Variants in OR2T27 observed in about 807,000 individuals in gnomAD.
OR2T27 encodes olfactory receptor family 2 subfamily T member 27.
For synonymous variants in OR2T27, 51 were observed against 152.9 expected, an observed-to-expected ratio of 0.33 and a Z score of 4.92; for missense variants, 152 against 397.2, an observed-to-expected ratio of 0.38 and a Z score of 5.25.
chr1:248,649,881 T>A lies in OR2T27; in HGVS notation c.*50A>T. ...GAATATTTAAATTCAAGGGCAATGA[T>A]AAAGTCTTGTATCCTTCATTTCAAG... On this transcript the variant is annotated 3_prime_UTR_variant, in exon 2 of 2. Coordinates refer to ENST00000460972, the MANE Select transcript of OR2T27 (RefSeq NM_001001824.2). 2 of 1,278,742 alleles carry A rather than the reference T, an allele frequency of 1.6e-6. No homozygotes were observed. Among genetic ancestry groups the A allele is most frequent in the Non-Finnish European group, 1.1e-6 (1 of 888,722 alleles). The allele number at this position is 1,278,742 out of a possible 1,614,324, so 79.2% of individuals were successfully genotyped here. A position where few individuals can be genotyped will look rare whatever the true frequency, so the allele number is the denominator to read the frequency against.
intron 1 of OR2T27, among the ~76,000 whole-genome samples, chr1:248,652,012 G>A (rs138847947): frequency 6.1e-4 from 92 of 151,674 alleles, no homozygotes; most frequent in African/African-American, 2.1e-3. Flanking sequence ...CATTTTTAAT[G>A]TGGTTACTAG....
chr1:248,652,303 T>TC (rs1661037597), intron 1 of OR2T27, among the ~76,000 whole-genome samples: 2 of 150,072 alleles, frequency 1.3e-5, no homozygotes, highest in Admixed American at 6.6e-5. Flanking sequence ...ACTAGACCAT[T>TC]CTACAGTTGA....
rs79635563 is a variant in OR2T27 at position 248,650,233 on chromosome 1, A to G, written c.652T>C (p.Tyr218His). The change falls in exon 2 of 2, where the codon TAC (tyrosine) becomes CAC (histidine). Residue 218 changes from tyrosine to histidine, a missense_variant. By Grantham distance (83) the Tyr-to-His change is moderately conservative. Coordinates refer to ENST00000460972, the MANE Select transcript of OR2T27 (RefSeq NM_001001824.2). ...TAAACAGTAATGAGAATTCTTGTGT[A>G]AGAGCCCGAGATGACAGAGAAAGGG... ...LIPFSVISGS[Y>H]TRILITVYRM... is the part of the protein sequence containing the mutation. 4,774 of 1,192,862 alleles carry G rather than the reference A, an allele frequency of 4.0e-3. 289 individuals carry two copies. In the African/African-American group the frequency reaches 0.06, roughly 15 times the overall value. The allele number at this position is 1,192,862 out of a possible 1,614,324, so 73.9% of individuals were successfully genotyped here.
rs139155666 is a variant in OR2T27, at chr1:248,649,929, C to G, written c.*2G>C. 3.9e-3 allele frequency: 5,934 copies of G among 1,518,856 alleles called. 221 individuals carry two copies. Among genetic ancestry groups the G allele is most frequent in the Middle Eastern group, 7.4e-3 (43 of 5,802 alleles). The allele number at this position is 1,518,856 out of a possible 1,614,324, so 94.1% of individuals were successfully genotyped here. ...AAGTCTCTAGCAGCATATGAAATTT[C>G]TTTAGAAAGTGGTTACCTTTCCTGA... On this transcript the variant is annotated 3_prime_UTR_variant, in exon 2 of 2. Coordinates refer to ENST00000460972, the MANE Select transcript of OR2T27 (RefSeq NM_001001824.2).
intron 1 of OR2T27, among the ~76,000 whole-genome samples, 157 bp downstream of exon 1, chr1:248,655,287 T>C (rs1466439747): frequency 7.7e-6 from 1 of 130,560 alleles, no homozygotes; most frequent in Non-Finnish European, 1.7e-5. Flanking sequence ...CTAAGATTTA[T>C]ATATTAGTAC....
intron 1 of OR2T27, among the ~76,000 whole-genome samples, chr1:248,653,367 T>TAA (rs1661059940): frequency 7.5e-6 from 1 of 133,236 alleles, no homozygotes; most frequent in Non-Finnish European, 1.7e-5. Flanking sequence ...AACTGGATTA[T>TAA]GCCATGCCCC....
intron 1 of OR2T27, among the ~76,000 whole-genome samples, chr1:248,651,950 TTTTAGA>T (rs964460314): frequency 7.0e-5 from 1 of 14,370 alleles, no homozygotes; most frequent in Non-Finnish European, 1.0e-3. Flanking sequence ...TTATGGTAAC[TTTTAGA>T]TATATTTGGA....
rs191449140 is a variant in OR2T27, at chr1:248,649,953, G to A, written c.932C>T (p.Ser311Leu). 218 of 1,576,336 alleles carry A rather than the reference G, an allele frequency of 1.4e-4. 20 individuals carry two copies. In the Admixed American group the frequency reaches 3.5e-3, roughly 25 times the overall value. Residue 311 changes from serine to leucine, a missense_variant, in exon 2 of 2, where the codon TCA (serine) becomes TTA (leucine). Physicochemically the swap from Ser to Leu is moderately radical, Grantham distance 145. Transcript: ENST00000460972. ...TCTTTAGAAAGTGGTTACCTTTCCT[G>A]AGGACACACACCTCCCCACAACCTT... Reference protein sequence around the residue: ...LQKVVGRCVSSGKVTTF With the variant: ...LQKVVGRCVSLGKVTTF
chr1:248,653,407 A>G (rs1481138369), intron 1 of OR2T27, among the ~76,000 whole-genome samples: 1 of 142,332 alleles, frequency 7.0e-6, no homozygotes, highest in East Asian at 2.2e-4. Context: ...ATAATTCCAA[A>G]CCTTAGTAAA....
intron 1 of OR2T27, among the ~76,000 whole-genome samples, chr1:248,651,909 T>C (rs1443496820): frequency 2.3e-5 from 2 of 86,426 alleles, no homozygotes; most frequent in African/African-American, 6.0e-5. Flanking sequence ...CTGTTAAAAA[T>C]ATATGCAACA....
At position 248,650,732 on chromosome 1, in the gene OR2T27, T is replaced by C. The variant is rs138075309; in HGVS notation, c.153A>G (p.Ile51Met). 4.0e-5 allele frequency: 59 copies of C among 1,481,860 alleles called. No individual in the cohort carries two copies. The African/African-American group carries it at 7.0e-4, about 18-fold the overall frequency. 91.8% of individuals were successfully genotyped at this position (1,481,860 alleles called of 1,614,324 possible). A position where few individuals can be genotyped will look rare whatever the true frequency, so the allele number is the denominator to read the frequency against. Residue 51 changes from isoleucine to methionine, a missense_variant, in exon 2 of 2, where the codon ATA (isoleucine) becomes ATG (methionine). Transcript: ENST00000460972. Reference sequence around the variant, plus strand: ...ACATGGGGGTGTGGAGGCGGGAGTCTATGTGGATGAGAATGATCTTGACCA... The same window carrying C: ...ACATGGGGGTGTGGAGGCGGGAGTCCATGTGGATGAGAATGATCTTGACCA... ...SNVVKIILIHIDSRLHTPMYF... is the reference protein window; with the variant it reads ...SNVVKIILIHMDSRLHTPMYF...
At chr1:248,652,891 A>G (rs1302953280) in intron 1 of OR2T27, among the ~76,000 whole-genome samples, 2 of 149,328 alleles carry the variant, frequency 1.3e-5, no homozygotes, top group Non-Finnish European at 3.0e-5. Context: ...TGGGAAAATT[A>G]AAGGCAAACA....
At position 248,650,049 on chromosome 1, in the gene OR2T27, G is replaced by T. The variant is rs144194611; in HGVS notation, c.836C>A (p.Thr279Asn). The T allele has an allele frequency of 6.4e-6, 10 of 1,570,450 alleles. 1 individual carries two copies. Among genetic ancestry groups the T allele is most frequent in the Middle Eastern group, 1.7e-4 (1 of 5,960 alleles). ...TGGATTGAGCATGGGAGTAAGGATG[G>T]TGTAGAAGGCAGATACAGCTTTGTC... ...EQDKAVSAFY[T>N]ILTPMLNPLI... The change falls in exon 2 of 2, where the codon ACC becomes AAC. Residue 279 changes from threonine (T) to asparagine (N), a missense_variant. Thr to Asn is a moderately conservative substitution (Grantham distance 65, BLOSUM62 0). Transcript: ENST00000460972.
intron 1 of OR2T27, among the ~76,000 whole-genome samples, chr1:248,652,189 A>G (rs1447317112): frequency 1.1e-4 from 17 of 151,960 alleles, no homozygotes; most frequent in Admixed American, 6.6e-4. Context: ...TGTGTACCAA[A>G]TTAGAAAAAT....
Position 248,650,047 on chromosome 1 carries a change from T to C in OR2T27, c.838A>G (p.Ile280Val). Reference sequence around the variant, plus strand: ...AGTGGATTGAGCATGGGAGTAAGGATGGTGTAGAAGGCAGATACAGCTTTG... The same window carrying C: ...AGTGGATTGAGCATGGGAGTAAGGACGGTGTAGAAGGCAGATACAGCTTTG... Reference protein sequence around the residue: ...QDKAVSAFYTILTPMLNPLIY... With the variant: ...QDKAVSAFYTVLTPMLNPLIY... The change falls in exon 2 of 2, where the codon ATC (isoleucine) becomes GTC (valine). Residue 280 changes from isoleucine to valine, a missense_variant. By Grantham distance (29) the Ile-to-Val change is conservative (BLOSUM62 3). Coordinates refer to ENST00000460972, the MANE Select transcript of OR2T27 (RefSeq NM_001001824.2). 6.3e-7 allele frequency: 1 copy of C among 1,575,062 alleles called. No homozygotes were observed. The highest frequency in any genetic ancestry group is 8.6e-7 in the Non-Finnish European group (1 of 1,156,548).
At chr1:248,652,440 G>A (rs1453016302) in intron 1 of OR2T27, among the ~76,000 whole-genome samples, 1 of 148,288 alleles carries the variant, frequency 6.7e-6, no homozygotes, top group East Asian at 2.0e-4. Context: ...TATTTCTCAA[G>A]AGGCACATTG....
rs1660986808 is a variant in OR2T27, at chr1:248,650,529, G to A, written c.356C>T (p.Ser119Phe). 2.3e-6 allele frequency: 3 copies of A among 1,284,806 alleles called. No individual in the cohort carries two copies. The highest frequency in any genetic ancestry group is 1.3e-5 in the South Asian group (1 of 77,082). The allele number at this position is 1,284,806 out of a possible 1,614,324, so 79.6% of individuals were successfully genotyped here. Residue 119 changes from serine (S) to phenylalanine (F), a missense_variant, in exon 2 of 2, where the codon TCC (serine) becomes TTC (phenylalanine). By Grantham distance (155) the Ser-to-Phe change is radical (BLOSUM62 -2). Coordinates refer to ENST00000460972, the MANE Select transcript of OR2T27 (RefSeq NM_001001824.2). The part of the protein sequence containing the change: ...GAEFFLLGLM[S>F]YDRYVAICNP... Reference sequence around the variant, plus strand: ...GCAGATGGCTACGTAGCGATCATAGGACATGAGTCCTAGGAGGAAGAACTC... The same window carrying A: ...GCAGATGGCTACGTAGCGATCATAGAACATGAGTCCTAGGAGGAAGAACTC...
intron 1 of OR2T27, among the ~76,000 whole-genome samples, chr1:248,651,967 T>TCCA (rs1661026637): frequency 2.0e-5 from 3 of 150,680 alleles, no homozygotes; most frequent in Non-Finnish European, 3.0e-5. Context: ...TATATTTGGA[T>TCCA]AATATAGATT....
At chr1:248,652,409 G>GAC in intron 1 of OR2T27, among the ~76,000 whole-genome samples, 1 of 149,148 alleles carries the variant, frequency 6.7e-6, no homozygotes, top group East Asian at 2.0e-4. Context: ...GGACAAAGTA[G>GAC]ACATCAATTC....
Sources: gnomAD v4.1 joint callset for allele counts (sites outside exome capture counted in the v4.1 genomes callset) on GRCh38, gnomAD v4.1.1 for gene constraint, MANE v1.5 for transcripts, NCBI Gene and HGNC (gene_info 2026-07-23, HGNC 2026-07-21) for gene names.